Variants in CNTRL observed in about 807,000 individuals in gnomAD.
CNTRL encodes centriolin.
In CNTRL, 233 loss-of-function variants were observed where a neutral mutation model predicts 303.7. The ratio of observed to expected loss-of-function variants is 0.77; its 90% CI spans 0.69 to 0.86. The LOEUF is 0.86. CNTRL is among the 40% of genes least tolerant of loss of function. The pLI, the probability that CNTRL is intolerant of heterozygous loss-of-function variation, is 0.00. For missense variants in CNTRL, 2,524 were observed against 2,650.6 expected, an observed-to-expected ratio of 0.95 and a Z score of 1.05; for synonymous variants, 900 against 922.2, an observed-to-expected ratio of 0.98 and a Z score of 0.44.
chr9:121,146,695 A>G (rs2051881125), intron 23 of CNTRL, among the ~76,000 whole-genome samples: 1 of 152,222 alleles, frequency 6.6e-6, no homozygotes, highest in Non-Finnish European at 1.5e-5. Flanking sequence ...CAAAGAGTTC[A>G]TTGGCCATGC....
rs1227737119 is a variant in CNTRL, at chr9:121,173,483, CTG to C, written c.6659_6660del (p.Leu2220GlnfsTer10). ...TMNEGPFEEK[L>X]NFSQVHIMDE... ...GAATGAGGGACCTTTTGAAGAAAAA[CTG>C]AACTTTTCCCAAGTTCACATAATGG... On this transcript the variant is annotated frameshift_variant, in exon 41 of 44. Coordinates refer to ENST00000373855, the MANE Select transcript of CNTRL (RefSeq NM_007018.6). LOFTEE classifies it high-confidence loss of function. The C allele has an allele frequency of 3.1e-6, 5 of 1,613,230 alleles. No homozygotes were observed. The Admixed American group carries it at 5.0e-5, about 16-fold the overall frequency.
chr9:121,123,588 G>T (rs1238128382), intron 12 of CNTRL, among the ~76,000 whole-genome samples: 1 of 152,082 alleles, frequency 6.6e-6, no homozygotes, highest in Non-Finnish European at 1.5e-5. Flanking sequence ...GATGGAGTCA[G>T]ACTCCATCTC....
intron 14 of CNTRL, among the ~76,000 whole-genome samples, chr9:121,129,528 A>T (rs2050735094): frequency 6.6e-6 from 1 of 152,130 alleles, no homozygotes; most frequent in African/African-American, 2.4e-5. Flanking sequence ...GCTTAAGGAG[A>T]TTTTGGCTGA....
intron 14 of CNTRL, among the ~76,000 whole-genome samples, chr9:121,128,227 TC>T (rs1358858865): frequency 1.3e-5 from 2 of 152,232 alleles, no homozygotes; most frequent in Non-Finnish European, 2.9e-5. Flanking sequence ...CACATTGTCT[TC>T]CACAAAGGTT....
chr9:121,084,476 A>G (rs2048267791), intron 2 of CNTRL, among the ~76,000 whole-genome samples: 1 of 152,102 alleles, frequency 6.6e-6, no homozygotes, highest in Admixed American at 6.6e-5. Flanking sequence ...TTCGAGGCCT[A>G]CAGTGTGCTA....
intron 12 of CNTRL, chr9:121,122,322 CA>C: frequency 2.3e-6 from 2 of 856,136 alleles, no homozygotes; most frequent in Non-Finnish European, 2.8e-6. Flanking sequence ...AAAGAGTTTG[CA>C]AAATACCATA....
At chr9:121,148,372 TC>T (rs1372696834) in intron 23 of CNTRL, among the ~76,000 whole-genome samples, 1 of 152,208 alleles carries the variant, frequency 6.6e-6, no homozygotes, top group East Asian at 1.9e-4. Flanking sequence ...CCCTTCACTT[TC>T]ACAGACCAGT....
At chr9:121,159,895 C>T (rs1383303341) in intron 31 of CNTRL, among the ~76,000 whole-genome samples, 1 of 152,108 alleles carries the variant, frequency 6.6e-6, no homozygotes, top group Non-Finnish European at 1.5e-5. Flanking sequence ...GCTTTTCTCT[C>T]TATAGACGTT....
At position 121,162,189 on chromosome 9, in the gene CNTRL, T is replaced by C. The variant is rs1238560078; in HGVS notation, c.5341T>C (p.Cys1781Arg). ...MTAESRALQSCVECLSKEKED... is the reference protein window; with the variant it reads ...MTAESRALQSRVECLSKEKED... ...TGCTGAGTCCCGAGCTTTACAATCG[T>C]GTGTTGAGTGTTTGAGCAAAGAAAA... Residue 1781 changes from cysteine to arginine, a missense_variant, in exon 34 of 44, where the codon TGT (cysteine) becomes CGT (arginine). Coordinates refer to ENST00000373855, the MANE Select transcript of CNTRL (RefSeq NM_007018.6). 1.9e-6 allele frequency: 3 copies of C among 1,614,006 alleles called. No individual in the cohort carries two copies. Among genetic ancestry groups the C allele is most frequent in the Non-Finnish European group, 2.5e-6 (3 of 1,180,026 alleles).
chr9:121,174,869 C>T (rs1019231120), intron 42 of CNTRL, 149 bp from the exon 43 acceptor site: 3 of 710,548 alleles, frequency 4.2e-6, no homozygotes, highest in East Asian at 2.5e-5. Context: ...CCACCTGGCA[C>T]CTCCTACAAT....
chr9:121,163,211 T>C (rs922519805), intron 34 of CNTRL, among the ~76,000 whole-genome samples: 1 of 149,494 alleles, frequency 6.7e-6, no homozygotes, highest in African/African-American at 2.4e-5. Flanking sequence ...AATAGCCAGG[T>C]TGGGAAGCTG....
chr9:121,140,279 A>G (rs547874052), intron 16 of CNTRL, among the ~76,000 whole-genome samples: 3 of 152,256 alleles, frequency 2.0e-5, no homozygotes, highest in African/African-American at 7.2e-5. Flanking sequence ...ATGAGAACCT[A>G]TTTTCTGGCT....
At chr9:121,126,629 T>C (rs1018357346) in intron 14 of CNTRL, among the ~76,000 whole-genome samples, 1 of 152,212 alleles carries the variant, frequency 6.6e-6, no homozygotes, top group African/African-American at 2.4e-5. Flanking sequence ...ATCCTCTGTC[T>C]ACTCCTTTCC....
intron 1 of CNTRL, among the ~76,000 whole-genome samples, chr9:121,077,406 C>T (rs1007783775): frequency 2.0e-5 from 3 of 151,942 alleles, no homozygotes; most frequent in African/African-American, 7.3e-5. Context: ...CACCTCCAGG[C>T]AGTAGCCTAA....
chr9:121,112,030 T>A (rs1456081958), intron 8 of CNTRL, among the ~76,000 whole-genome samples: 1 of 152,136 alleles, frequency 6.6e-6, no homozygotes, highest in East Asian at 1.9e-4. Flanking sequence ...CTGCAGTTAA[T>A]GTCAGTTATC....
chr9:121,171,565 C>T lies in CNTRL; in HGVS notation c.6417+17C>T, dbSNP rs1157891231. The T allele has an allele frequency of 6.2e-7, 1 of 1,610,280 alleles. No homozygotes were observed. The highest frequency in any genetic ancestry group is 8.5e-7 in the Non-Finnish European group (1 of 1,178,082). ...AAGAAACAGGTGTGTGCCCAGAAAG[C>T]CCAGCTGGCCAGCCTGGGGAGAGAG... On this transcript the variant is annotated intron_variant, in intron 40 of 43. Coordinates refer to ENST00000373855, the MANE Select transcript of CNTRL (RefSeq NM_007018.6).
At chr9:121,159,180 G>A (rs2052733341) in intron 31 of CNTRL, among the ~76,000 whole-genome samples, 161 bp downstream of exon 31, 1 of 152,166 alleles carries the variant, frequency 6.6e-6, no homozygotes, top group African/African-American at 2.4e-5. Context: ...TGCAGTGGCT[G>A]TCATGTGTAG....
At chr9:121,167,432 A>G (rs10818513) in intron 36 of CNTRL, 57 bp from the exon 37 acceptor site, 1,030,920 of 1,446,726 alleles carry the variant, frequency 0.71, 371,863 homozygotes, top group East Asian at 0.96. Flanking sequence ...ATTGGCACTG[A>G]CCACCTCTAG....
chr9:121,092,491 A>C lies in CNTRL; in HGVS notation c.348+2086A>C, dbSNP rs796125795. ...TAATATATATCTATATATATAATAT[A>C]TATCTATATATATAATATATATCTA... On this transcript the variant is annotated intron_variant, in intron 4 of 43. Coordinates refer to ENST00000373855, the MANE Select transcript of CNTRL (RefSeq NM_007018.6). 2.4e-5 allele frequency among the ~76,000 whole-genome samples: 2 copies of C among 81,790 alleles called. 1 individual carries two copies. The highest frequency in any genetic ancestry group is 4.4e-5 in the Non-Finnish European group (2 of 45,532). 53.7% of individuals were successfully genotyped at this position (81,790 alleles called of 152,430 possible). A position where few individuals can be genotyped will look rare whatever the true frequency, so the allele number is the denominator to read the frequency against.
Sources: gnomAD v4.1 joint callset for allele counts (sites outside exome capture counted in the v4.1 genomes callset) on GRCh38, gnomAD v4.1.1 for gene constraint, MANE v1.5 for transcripts, NCBI Gene and HGNC (gene_info 2026-07-23, HGNC 2026-07-21) for gene names.